The following DNM1L variants were observed in gnomAD, a reference collection of about 807,000 sequenced individuals.
DNM1L encodes dynamin-1-like protein.
In DNM1L, 33 loss-of-function variants were observed where a neutral mutation model predicts 92.8. The observed-to-expected ratio is 0.36, with a 90% confidence interval of 0.27 to 0.48. The LOEUF (loss-of-function observed/expected upper bound fraction) is 0.48, where lower values mean the gene tolerates loss of function less well. Among genes scored for constraint, DNM1L ranks in the 20% least tolerant of loss-of-function variants. DNM1L has a pLI of 0.99. For synonymous variants in DNM1L, 284 were observed against 305.0 expected (o/e 0.93, Z 0.72); for missense variants, 485 against 888.8 (o/e 0.55, Z 5.78).
chr12:32,739,892 C>T, intron 16 of DNM1L, 172 bp from the exon 17 acceptor site: 1 of 754,074 alleles, frequency 1.3e-6, no homozygotes, highest in Non-Finnish European at 2.2e-6. Flanking sequence ...TTAGATAGGT[C>T]AGGGTTCCAG....
chr12:32,697,055 C>A (rs1200823733), intron 1 of DNM1L, among the ~76,000 whole-genome samples: 1 of 151,064 alleles, frequency 6.6e-6, no homozygotes, highest in East Asian at 2.0e-4. Context: ...ACGGTGAAAC[C>A]CCGTCTCTAC....
At chr12:32,713,058 C>G (rs959581322) in intron 5 of DNM1L, 151 bp from the exon 6 acceptor site, 17 of 734,232 alleles carry the variant, frequency 2.3e-5, no homozygotes, top group Non-Finnish European at 3.2e-5. Context: ...TTACCAGATT[C>G]ATAAATACCA....
intron 19 of DNM1L, 80 bp from the exon 20 acceptor site, chr12:32,743,272 ATT>A: frequency 8.1e-7 from 1 of 1,231,370 alleles, no homozygotes; most frequent in South Asian, 1.3e-5. Flanking sequence ...CCACATATAT[ATT>A]GGAAAAATTA....
rs374338581 is a variant in DNM1L, at chr12:32,737,835, T to G, written c.1597-30T>G. On this transcript the variant is annotated intron_variant, in intron 14 of 19. Coordinates refer to ENST00000549701, the MANE Select transcript of DNM1L (RefSeq NM_012062.5). ...TGAATGCATTTTTGCATCCTTGATTTTTTTTCCCCCCTGGATTTTTTGCCT... is the reference window on the plus strand; with the variant it reads ...TGAATGCATTTTTGCATCCTTGATTGTTTTTCCCCCCTGGATTTTTTGCCT... The G allele has an allele frequency of 1.6e-5, 26 of 1,598,456 alleles. No individual in the cohort carries two copies. In the African/African-American group the frequency reaches 3.4e-4, roughly 21 times the overall value.
At position 32,679,409 on chromosome 12, in the gene DNM1L, A is replaced by G. The variant is rs896148786; in HGVS notation, c.46A>G (p.Asn16Asp). ...CATAAACAAGCTCCAGGACGTCTTC[A>G]ACACGGTGGGCGCCGACATCATCCA... The part of the protein sequence containing the change: ...PVINKLQDVF[N>D]TVGADIIQLP... The change falls in exon 1 of 20, where the codon AAC (asparagine) becomes GAC (aspartate). Residue 16 changes from asparagine to aspartate, a missense_variant. Physicochemically the swap from Asn to Asp is conservative, Grantham distance 23. Transcript: ENST00000549701. 1 of 1,613,720 alleles carries G rather than the reference A, an allele frequency of 6.2e-7. No individual in the cohort carries two copies. The highest frequency in any genetic ancestry group is 1.3e-5 in the African/African-American group (1 of 74,944).
chr12:32,706,030 A>C (rs1332155930), intron 2 of DNM1L: 5 of 523,066 alleles, frequency 9.6e-6, no homozygotes, highest in Non-Finnish European at 1.6e-5. Context: ...CATTGCATCA[A>C]AATGCAAGCT....
intron 6 of DNM1L, among the ~76,000 whole-genome samples, chr12:32,714,226 C>A (rs959202442): frequency 6.6e-6 from 1 of 151,136 alleles, no homozygotes; most frequent in African/African-American, 2.4e-5. Context: ...GCTAAGACTG[C>A]CAATCTGCCA....
At chr12:32,696,283 C>T (rs542791090) in intron 1 of DNM1L, among the ~76,000 whole-genome samples, 4 of 152,070 alleles carry the variant, frequency 2.6e-5, no homozygotes, top group African/African-American at 7.2e-5. Context: ...TACCTGTAGT[C>T]CCAACACTTT....
intron 6 of DNM1L, among the ~76,000 whole-genome samples, chr12:32,716,364 T>A (rs1400340687): frequency 3.3e-5 from 5 of 152,142 alleles, no homozygotes; most frequent in Admixed American, 3.3e-4. Flanking sequence ...AGACAGGGTC[T>A]CATTCTGTTG....
intron 13 of DNM1L, among the ~76,000 whole-genome samples, chr12:32,735,485 A>G (rs1038800480): frequency 1.3e-5 from 2 of 152,158 alleles, no homozygotes; most frequent in East Asian, 1.9e-4. Context: ...AAGATTGTTA[A>G]TATCTATACT....
intron 3 of DNM1L, 88 bp downstream of exon 3, chr12:32,707,501 A>G (rs1952972700): frequency 1.1e-6 from 1 of 942,982 alleles, no homozygotes; most frequent in Non-Finnish European, 1.6e-6. Context: ...ATCATTGGCA[A>G]TTACGTTATT....
Position 32,736,908 on chromosome 12 carries a change from GA to G in DNM1L, c.1540-187del, listed in dbSNP as rs199641698. Reference sequence around the variant, plus strand: ...ATTGTATCCTTCAGGTGTGTGGGCAGAAAAAAAAAAGATTAAGAAGCTTTGG... The same window carrying G: ...ATTGTATCCTTCAGGTGTGTGGGCAGAAAAAAAAAGATTAAGAAGCTTTGG... On this transcript the variant is annotated intron_variant, in intron 13 of 19. Coordinates refer to ENST00000549701, the MANE Select transcript of DNM1L (RefSeq NM_012062.5). The G allele has an allele frequency of 4.9e-3, 2,533 of 519,048 alleles. 21 individuals are homozygous for G. The highest frequency in any genetic ancestry group is 0.022 in the South Asian group (883 of 41,044). 32.2% of individuals were successfully genotyped at this position (519,048 alleles called of 1,614,324 possible). A position where few individuals can be genotyped will look rare whatever the true frequency, so the allele number is the denominator to read the frequency against.
At chr12:32,701,279 A>G in intron 1 of DNM1L, 136 bp from the exon 2 acceptor site, 1 of 732,280 alleles carries the variant, frequency 1.4e-6, no homozygotes, top group South Asian at 2.0e-5. Flanking sequence ...TCCGTCTCAA[A>G]AAAAAAAAAA....
In DNM1L at chr12:32,701,668, G is replaced by A. The variant is rs9737752; in HGVS notation, c.250+106G>A. 1,021,929 of 1,023,090 alleles carry A rather than the reference G, an allele frequency of 1. 510,394 individuals are homozygous for A. The highest frequency in any genetic ancestry group is 1 in the Non-Finnish European group (667,756 of 667,756). 63.4% of individuals were successfully genotyped at this position (1,023,090 alleles called of 1,614,324 possible). On this transcript the variant is annotated intron_variant, in intron 2 of 19. Transcript: ENST00000549701. ...ATTAGAAATTAGTGACTGTAGCATA[G>A]TTAGAAGTCCTGTGAGAAGTAGTAT...
intron 1 of DNM1L, among the ~76,000 whole-genome samples, chr12:32,695,367 G>A (rs953725182): frequency 2.6e-5 from 4 of 152,060 alleles, no homozygotes; most frequent in African/African-American, 7.2e-5. Context: ...CAAAAACTGT[G>A]AGATATTAAG....
chr12:32,740,292 G>A, intron 17 of DNM1L, 52 bp downstream of exon 17: 1 of 1,613,308 alleles, frequency 6.2e-7, no homozygotes, highest in Non-Finnish European at 8.5e-7. Flanking sequence ...CAAGTTAGTA[G>A]GAAAACGATT....
chr12:32,691,366 G>A (rs1231713420), intron 1 of DNM1L, among the ~76,000 whole-genome samples: 4 of 152,118 alleles, frequency 2.6e-5, no homozygotes, highest in Non-Finnish European at 4.4e-5. Flanking sequence ...AGCCTCCCAA[G>A]TAGCTGGGAC....
chr12:32,711,017 T>TAAGG lies in DNM1L; in HGVS notation c.456+9_456+12dup. 2 of 1,613,302 alleles carry TAAGG rather than the reference T, an allele frequency of 1.2e-6. No individual in the cohort carries two copies. Among genetic ancestry groups the TAAGG allele is most frequent in the South Asian group, 2.2e-5 (2 of 91,072 alleles). On this transcript the variant is annotated splice_region_variant and intron_variant, in intron 5 of 19. Transcript: ENST00000549701. ...GTGGATTTGCCAGGAATGACCAAGGTAAGGAAGGAATAGTTGTAGATTTGG... is the reference window on the plus strand; with the variant it reads ...GTGGATTTGCCAGGAATGACCAAGGTAAGGAAGGAAGGAATAGTTGTAGATTTGG...
intron 9 of DNM1L, 87 bp from the exon 10 acceptor site, chr12:32,730,925 ATG>A: frequency 6.3e-7 from 1 of 1,575,176 alleles, no homozygotes; most frequent in South Asian, 1.1e-5. Flanking sequence ...AGAAAATAAG[ATG>A]AGCTTAAAGC....
Sources: gnomAD v4.1 joint callset for allele counts (sites outside exome capture counted in the v4.1 genomes callset) on GRCh38, gnomAD v4.1.1 for gene constraint, MANE v1.5 for transcripts, NCBI Gene and HGNC (gene_info 2026-07-23, HGNC 2026-07-21) for gene names.